The following PPARGC1A variants were observed in gnomAD, a reference collection of about 807,000 sequenced individuals.
The protein encoded by PPARGC1A is peroxisome proliferator-activated receptor gamma coactivator 1-alpha.
Under a neutral mutation model 88.7 loss-of-function variants are expected in PPARGC1A, and 25 were observed. The ratio of observed to expected loss-of-function variants is 0.28; its 90% CI spans 0.21 to 0.39. The LOEUF is 0.39. PPARGC1A is among the 10% of genes least tolerant of loss of function. The pLI, the probability that PPARGC1A is intolerant of heterozygous loss-of-function variation, is 1.00. For synonymous variants in PPARGC1A, 363 were observed against 355.6 expected, an observed-to-expected ratio of 1.02 and a Z score of -0.24; for missense variants, 880 against 968.7, an observed-to-expected ratio of 0.91 and a Z score of 1.22.
chr4:24,131,237 A>C, the PPARGC1A span, among the ~76,000 whole-genome samples: 1 of 152,342 alleles, frequency 6.6e-6, no homozygotes, highest in South Asian at 2.1e-4. Flanking sequence ...TGTTTAAAAC[A>C]GTATTAATCT....
the PPARGC1A span, among the ~76,000 whole-genome samples, chr4:24,133,974 A>G: frequency 3.6e-4 from 55 of 152,322 alleles, no homozygotes; most frequent in East Asian, 0.01. Flanking sequence ...TTGAGGTTAC[A>G]CAGTCAGGCC....
the PPARGC1A span, among the ~76,000 whole-genome samples, chr4:24,254,946 T>G: frequency 2.6e-5 from 4 of 152,194 alleles, no homozygotes; most frequent in Non-Finnish European, 4.4e-5. Context: ...ATTTTTGGAA[T>G]GCTTCATTCA....
At chr4:24,193,381 T>C in the PPARGC1A span, among the ~76,000 whole-genome samples, 1 of 152,130 alleles carries the variant, frequency 6.6e-6, no homozygotes, top group Non-Finnish European at 1.5e-5. Flanking sequence ...GCCAGAAGAA[T>C]GCAAGAAAAA....
At chr4:24,006,022 T>A in the PPARGC1A span, among the ~76,000 whole-genome samples, 1 of 152,012 alleles carries the variant, frequency 6.6e-6, no homozygotes, top group South Asian at 2.1e-4. Flanking sequence ...GGTTTTGTTT[T>A]TGGTTTTGTT....
At chr4:24,089,749 A>C in the PPARGC1A span, among the ~76,000 whole-genome samples, 2 of 151,950 alleles carry the variant, frequency 1.3e-5, no homozygotes, top group African/African-American at 4.8e-5. Flanking sequence ...CCTGACCTCA[A>C]TCTGCCTGCC....
At chr4:24,123,786 G>C in the PPARGC1A span, among the ~76,000 whole-genome samples, 3 of 151,970 alleles carry the variant, frequency 2.0e-5, no homozygotes, top group South Asian at 6.2e-4. Flanking sequence ...TTTTCCATTT[G>C]CTGGAGTAGC....
chr4:24,037,503 A>G, the PPARGC1A span, among the ~76,000 whole-genome samples: 2 of 152,124 alleles, frequency 1.3e-5, no homozygotes, highest in African/African-American at 4.8e-5. Context: ...AGAAGCATCA[A>G]CTCCAAATTA....
chr4:23,934,715 G>A, the PPARGC1A span, among the ~76,000 whole-genome samples: 2 of 152,166 alleles, frequency 1.3e-5, no homozygotes, highest in Non-Finnish European at 2.9e-5. Flanking sequence ...CTCTGAGTTA[G>A]GCACTATGAT....
the PPARGC1A span, among the ~76,000 whole-genome samples, chr4:23,973,815 A>G: frequency 6.6e-6 from 1 of 152,192 alleles, no homozygotes; most frequent in Non-Finnish European, 1.5e-5. Context: ...ACTAATAACC[A>G]TAAAACAAAA....
At chr4:24,214,637 G>T in the PPARGC1A span, among the ~76,000 whole-genome samples, 1 of 152,166 alleles carries the variant, frequency 6.6e-6, no homozygotes, top group Admixed American at 6.5e-5. Context: ...TGACTAGAGT[G>T]TGCCGCCTTC....
the PPARGC1A span, among the ~76,000 whole-genome samples, chr4:24,270,288 T>A: frequency 1.3e-5 from 2 of 151,182 alleles, no homozygotes; most frequent in Non-Finnish European, 2.9e-5. Context: ...CATAAGTCAA[T>A]CCCTTATAAT....
At chr4:24,360,404 A>G in the PPARGC1A span, among the ~76,000 whole-genome samples, 1 of 152,070 alleles carries the variant, frequency 6.6e-6, no homozygotes, top group Non-Finnish European at 1.5e-5. Flanking sequence ...AGCCCCTCCC[A>G]TCTAAGCAGA....
chr4:24,145,078 AGTGTGTGTGTGTGT>A, the PPARGC1A span, among the ~76,000 whole-genome samples: 5 of 144,316 alleles, frequency 3.5e-5, no homozygotes, highest in African/African-American at 1.2e-4. Flanking sequence ...GTGTTGAATG[AGTGTGTGTGTGTGT>A]GTGTGTGTGT....
At chr4:23,855,464 C>T (rs28758817) in intron 2 of PPARGC1A, among the ~76,000 whole-genome samples, 29,306 of 152,146 alleles carry the variant, frequency 0.19, 3,135 homozygotes, top group African/African-American at 0.27. Flanking sequence ...GCTAACTGAA[C>T]GCTCTCTTGG....
chr4:23,963,244 T>C, the PPARGC1A span, among the ~76,000 whole-genome samples: 4 of 152,282 alleles, frequency 2.6e-5, no homozygotes, highest in East Asian at 7.7e-4. Flanking sequence ...GATATTCATT[T>C]TTCAAATTAT....
the PPARGC1A span, among the ~76,000 whole-genome samples, chr4:23,976,397 CAA>C: frequency 4.8e-4 from 73 of 152,256 alleles, no homozygotes; most frequent in African/African-American, 1.7e-3. Flanking sequence ...AACACCTTCA[CAA>C]AGAGATCCCT....
chr4:24,041,299 G>A, the PPARGC1A span, among the ~76,000 whole-genome samples: 2 of 152,152 alleles, frequency 1.3e-5, no homozygotes, highest in Admixed American at 1.3e-4. Context: ...CCTCCCTGCT[G>A]GGCACAGTTT....
At position 23,861,678 on chromosome 4, in the gene PPARGC1A, A is replaced by G. The variant is rs574285620; in HGVS notation, c.234+23074T>C. ...GTTTGACTCCTTGGTCCAGAAACAA[A>G]AAAAAGGCAAAATATTTCTGAAAAA... is the stretch of plus-strand genomic sequence containing the variant. On this transcript the variant is annotated intron_variant, in intron 2 of 12. Transcript: ENST00000264867. 3.3e-5 allele frequency among the ~76,000 whole-genome samples: 5 copies of G among 152,340 alleles called. No individual in the cohort carries two copies. In the East Asian group the frequency reaches 7.7e-4, roughly 23 times the overall value.
the PPARGC1A span, among the ~76,000 whole-genome samples, chr4:24,007,986 T>G: frequency 6.6e-6 from 1 of 152,120 alleles, no homozygotes; most frequent in Non-Finnish European, 1.5e-5. Context: ...GACTTTGCAG[T>G]GACATCTTGG....
Sources: gnomAD v4.1 joint callset for allele counts (sites outside exome capture counted in the v4.1 genomes callset) on GRCh38, gnomAD v4.1.1 for gene constraint, MANE v1.5 for transcripts, NCBI Gene and HGNC (gene_info 2026-07-23, HGNC 2026-07-21) for gene names.